The following PTPN3 variants were observed in gnomAD, a reference collection of about 807,000 sequenced individuals.
PTPN3 encodes tyrosine-protein phosphatase non-receptor type 3.
In PTPN3, 96 loss-of-function variants were observed where a neutral mutation model predicts 132.7. That is an observed-to-expected ratio of 0.72 (90% CI 0.61 to 0.86). The LOEUF is 0.86. Among genes scored for constraint, PTPN3 ranks in the 40% least tolerant of loss-of-function variants. The pLI is 0.00. For missense variants in PTPN3, 1,125 were observed against 1,159.6 expected, an observed-to-expected ratio of 0.97 and a Z score of 0.43; for synonymous variants, 398 against 429.0, an observed-to-expected ratio of 0.93 and a Z score of 0.89.
chr9:109,461,258 C>T (rs764246591), intron 2 of PTPN3, among the ~76,000 whole-genome samples: 1 of 152,130 alleles, frequency 6.6e-6, no homozygotes, highest in African/African-American at 2.4e-5. Flanking sequence ...TGAGACAACT[C>T]GGGGAGCCAT....
chr9:109,534,194 C>T, the PTPN3 span: 1 of 1,101,524 alleles, frequency 9.1e-7, no homozygotes, highest in Non-Finnish European at 1.4e-6. Context: ...CCGGCAGGTG[C>T]TGCTGATGTG....
At chr9:109,480,308 C>T (rs1040134677) in intron 1 of PTPN3, among the ~76,000 whole-genome samples, 1 of 152,110 alleles carries the variant, frequency 6.6e-6, no homozygotes, top group Non-Finnish European at 1.5e-5. Flanking sequence ...GCTGGGACTA[C>T]AGGCACACAC....
At chr9:109,447,964 G>T (rs1844973067) in intron 6 of PTPN3, among the ~76,000 whole-genome samples, 1 of 152,138 alleles carries the variant, frequency 6.6e-6, no homozygotes, top group Admixed American at 6.5e-5. Flanking sequence ...TCTTCTCACT[G>T]CCCAGGGAAA....
intron 22 of PTPN3, 107 bp downstream of exon 22, chr9:109,389,126 C>G: frequency 3.5e-6 from 5 of 1,416,604 alleles, no homozygotes; most frequent in Non-Finnish European, 4.7e-6. Context: ...GGGTCACATA[C>G]GGGCTGGACC....
intron 1 of PTPN3, among the ~76,000 whole-genome samples, chr9:109,482,123 G>T (rs970303074): frequency 6.6e-6 from 1 of 152,214 alleles, no homozygotes. Flanking sequence ...CTTTTAGAAG[G>T]CTTGTGTCAG....
the PTPN3 span, among the ~76,000 whole-genome samples, chr9:109,503,678 G>C: frequency 4.6e-5 from 7 of 150,560 alleles, no homozygotes; most frequent in Admixed American, 1.3e-4. Context: ...CACTAACTGC[G>C]CTCCAGCCTG....
chr9:109,407,692 G>C (rs1588348521), intron 17 of PTPN3, among the ~76,000 whole-genome samples: 2 of 152,152 alleles, frequency 1.3e-5, no homozygotes, highest in East Asian at 3.9e-4. Flanking sequence ...TCACACCTGT[G>C]TGCCACCACA....
At chr9:109,534,398 C>G in the PTPN3 span, 5 of 1,449,224 alleles carry the variant, frequency 3.5e-6, no homozygotes, top group South Asian at 5.6e-5. Context: ...GTGATGGTAG[C>G]TAGGCCAGCG....
At chr9:109,431,641 C>T (rs1057417648) in intron 10 of PTPN3, among the ~76,000 whole-genome samples, 4 of 152,178 alleles carry the variant, frequency 2.6e-5, no homozygotes, top group African/African-American at 9.7e-5. Context: ...ACAGGGCTGT[C>T]GTCACATTTT....
intron 1 of PTPN3, among the ~76,000 whole-genome samples, chr9:109,482,079 T>A (rs965737551): frequency 6.6e-6 from 1 of 152,202 alleles, no homozygotes; most frequent in African/African-American, 2.4e-5. Flanking sequence ...AATGAATGAA[T>A]GAACAACTAA....
chr9:109,402,047 C>T (rs375751710), intron 19 of PTPN3, among the ~76,000 whole-genome samples: 6 of 152,178 alleles, frequency 3.9e-5, no homozygotes, highest in East Asian at 3.9e-4. Context: ...CTCTCCTTCC[C>T]TCATCAGGTT....
At chr9:109,422,608 C>G in intron 13 of PTPN3, 110 bp downstream of exon 13, 1 of 1,289,992 alleles carries the variant, frequency 7.8e-7, no homozygotes, top group Non-Finnish European at 1.0e-6. Context: ...GCCTAAAATG[C>G]AAATTGTAGG....
At chr9:109,490,647 G>A (rs571596743) in intron 1 of PTPN3, among the ~76,000 whole-genome samples, 2 of 152,112 alleles carry the variant, frequency 1.3e-5, no homozygotes. Context: ...GCTGAGGCAG[G>A]AGAATTGCTT....
At chr9:109,475,884 C>T (rs1191458386) in intron 1 of PTPN3, among the ~76,000 whole-genome samples, 3 of 152,126 alleles carry the variant, frequency 2.0e-5, no homozygotes, top group African/African-American at 4.8e-5. Flanking sequence ...AGTGGTAGTC[C>T]GGCCAGAGAA....
chr9:109,432,761 C>T (rs541672661), intron 10 of PTPN3, among the ~76,000 whole-genome samples: 2 of 152,192 alleles, frequency 1.3e-5, no homozygotes, highest in African/African-American at 4.8e-5. Flanking sequence ...AAGCTCTTCT[C>T]TGAATTCTGA....
intron 22 of PTPN3, among the ~76,000 whole-genome samples, chr9:109,384,249 ATGAGT>A: frequency 6.6e-6 from 1 of 152,144 alleles, no homozygotes; most frequent in Non-Finnish European, 1.5e-5. Context: ...AGTAACAGTG[ATGAGT>A]TTCCACAAAA....
rs758132534 is a variant in PTPN3 at position 109,438,249 on chromosome 9, G to A, written c.467-15C>T. On this transcript the variant is annotated splice_polypyrimidine_tract_variant and intron_variant, in intron 7 of 25. Transcript: ENST00000374541. ...TCCAAAATGAGCTATCAAGACAGAA[G>A]AAGGGGAAAATCATAATTAGTTTTG... is the stretch of plus-strand genomic sequence containing the variant. 1.2e-6 allele frequency: 2 copies of A among 1,603,750 alleles called. No homozygotes were observed. The highest frequency in any genetic ancestry group is 1.3e-5 in the African/African-American group (1 of 74,402).
chr9:109,396,445 A>G (rs1840609079), intron 19 of PTPN3, among the ~76,000 whole-genome samples: 1 of 152,096 alleles, frequency 6.6e-6, no homozygotes, highest in South Asian at 2.1e-4. Flanking sequence ...GGGCTGAAGG[A>G]GTGTGAGGGA....
At chr9:109,504,784 G>C in the PTPN3 span, among the ~76,000 whole-genome samples, 1 of 151,950 alleles carries the variant, frequency 6.6e-6, no homozygotes, top group Admixed American at 6.6e-5. Flanking sequence ...TGGAAACTCA[G>C]ATCATTGAGG....
Sources: allele counts gnomAD v4.1 joint callset (sites outside exome capture counted in the v4.1 genomes callset), GRCh38; gene constraint gnomAD v4.1.1; transcripts MANE v1.5; gene names NCBI Gene and HGNC (gene_info 2026-07-23, HGNC 2026-07-21).